Variants in PGR observed in about 807,000 individuals in gnomAD.
PGR encodes nuclear receptor subfamily 3 group C member 3.
A neutral mutation model predicts 76.1 loss-of-function variants in PGR; 25 were observed. The ratio of observed to expected loss-of-function variants is 0.33; its 90% confidence interval spans 0.24 to 0.46. PGR has a LOEUF of 0.46. Among genes scored for constraint, PGR ranks in the 20% least tolerant of loss-of-function variants. The probability of loss-of-function intolerance (pLI) is 1.00; values close to 1 mark genes in which losing one functional copy is unlikely to be tolerated. For missense variants in PGR, 1,172 were observed against 1,225.3 expected, an observed-to-expected ratio of 0.96 and a Z score of 0.65; for synonymous variants, 579 against 535.0, an observed-to-expected ratio of 1.08 and a Z score of -1.14.
intron 2 of PGR, 114 bp downstream of exon 2, chr11:101,125,893 T>C (rs1862825632): frequency 5.6e-6 from 5 of 899,296 alleles, no homozygotes; most frequent in Non-Finnish European, 8.7e-6. Context: ...TTAAATTATA[T>C]GGAAATATCA....
At chr11:101,068,586 C>T (rs1860805904) in intron 3 of PGR, among the ~76,000 whole-genome samples, 1 of 152,048 alleles carries the variant, frequency 6.6e-6, no homozygotes, top group South Asian at 2.1e-4. Flanking sequence ...AAGAACAAAG[C>T]TGGAGGTATC....
At chr11:101,086,100 A>C (rs1209815145) in intron 3 of PGR, among the ~76,000 whole-genome samples, 9 of 152,160 alleles carry the variant, frequency 5.9e-5, no homozygotes, top group African/African-American at 1.9e-4. Context: ...TCGTTTTCTG[A>C]AGCCAGTATC....
intron 2 of PGR, among the ~76,000 whole-genome samples, chr11:101,109,610 C>G (rs1022738595): frequency 6.6e-6 from 1 of 152,116 alleles, no homozygotes; most frequent in African/African-American, 2.4e-5. Context: ...AAAACAGAAG[C>G]TGGATTATGA....
intron 2 of PGR, among the ~76,000 whole-genome samples, chr11:101,107,561 G>A (rs1862204567): frequency 6.6e-6 from 1 of 152,100 alleles, no homozygotes; most frequent in Non-Finnish European, 1.5e-5. Flanking sequence ...ACATACTATT[G>A]AGAAAGGAGT....
At chr11:101,119,522 A>T (rs563683972) in intron 2 of PGR, among the ~76,000 whole-genome samples, 1 of 152,308 alleles carries the variant, frequency 6.6e-6, no homozygotes, top group African/African-American at 2.4e-5. Context: ...TCTTTGCACA[A>T]ATGCCAAAAA....
At chr11:101,052,574 A>G (rs1591373535) in intron 4 of PGR, among the ~76,000 whole-genome samples, 2 of 152,076 alleles carry the variant, frequency 1.3e-5, no homozygotes, top group South Asian at 4.1e-4. Context: ...TCTATTAAGG[A>G]GCAATGGGAG....
At chr11:101,078,998 T>A (rs11571194) in intron 3 of PGR, among the ~76,000 whole-genome samples, 1 of 152,088 alleles carries the variant, frequency 6.6e-6, no homozygotes, top group Admixed American at 6.6e-5. Flanking sequence ...GTCAACTCAT[T>A]TTTGACAAAG....
In PGR at chr11:101,031,800, T is replaced by A. The variant is rs1859362006; in HGVS notation, c.*7316A>T. 4.4e-6 allele frequency: 1 copy of A among 228,044 alleles called. No individual in the cohort carries two copies. The highest frequency in any genetic ancestry group is 2.2e-5 in the African/African-American group (1 of 45,096). The allele number at this position is 228,044 out of a possible 1,614,324, so 14.1% of individuals were successfully genotyped here. A position where few individuals can be genotyped will look rare whatever the true frequency, so the allele number is the denominator to read the frequency against. On this transcript the variant is annotated 3_prime_UTR_variant, in exon 8 of 8. Transcript: ENST00000325455. ...AAAGCCGAGCCCAGCCATGGATTCA[T>A]ACCATCAAATACCTATGAGTTAGGT...
In PGR at chr11:101,107,865, T is replaced by TAAAAAAAAAAAAAAAAA. The variant is rs56355097; in HGVS notation, c.1790-15990_1790-15989insTTTTTTTTTTTTTTTTT. Among the ~76,000 whole-genome samples the TAAAAAAAAAAAAAAAAA allele has an allele frequency of 2.2e-3, 263 of 119,060 alleles. 6 individuals carry two copies. The highest frequency in any genetic ancestry group is 7.1e-3 in the African/African-American group (215 of 30,130). 78.1% of individuals were successfully genotyped at this position (119,060 alleles called of 152,430 possible). On this transcript the variant is annotated intron_variant, in intron 2 of 7. Coordinates refer to ENST00000325455, the MANE Select transcript of PGR (RefSeq NM_000926.4). ...CCAGTCTTACTTGAAACTGGCTTTG[T>TAAAAAAAAAAAAAAAAA]AAAAAAAAAAAAAAAGAAAGAAAAA...
At chr11:101,118,644 C>T (rs930249743) in intron 2 of PGR, among the ~76,000 whole-genome samples, 65 of 152,246 alleles carry the variant, frequency 4.3e-4, no homozygotes, top group Middle Eastern at 3.4e-3. Flanking sequence ...TTAAAATGTA[C>T]TTGTTTTGCA....
At chr11:101,043,579 A>ACCCAGAT (rs1359540499) in intron 6 of PGR, among the ~76,000 whole-genome samples, 1 of 152,144 alleles carries the variant, frequency 6.6e-6, no homozygotes, top group Non-Finnish European at 1.5e-5. Flanking sequence ...AATTTACTTT[A>ACCCAGAT]CCCAGATCCA....
At chr11:101,056,131 G>A (rs1258343040) in intron 4 of PGR, among the ~76,000 whole-genome samples, 1 of 151,960 alleles carries the variant, frequency 6.6e-6, no homozygotes, top group African/African-American at 2.4e-5. Flanking sequence ...AATTCCCAGT[G>A]ATGATAATGA....
intron 2 of PGR, among the ~76,000 whole-genome samples, chr11:101,097,898 TCCCG>T (rs1591411802): frequency 6.6e-6 from 1 of 151,410 alleles, no homozygotes; most frequent in East Asian, 2.0e-4. Flanking sequence ...TGCCTCAGCC[TCCCG>T]AGTAGCTGGA....
Position 101,098,261 on chromosome 11 carries a change from G to A in PGR, c.1790-6385C>T, listed in dbSNP as rs114387066. ...TTAGAAACAAGAAAGGGACTTACCT[G>A]TAAAATAAGAGACCTATATTGTTTG... is the stretch of plus-strand genomic sequence containing the variant. On this transcript the variant is annotated intron_variant, in intron 2 of 7. Coordinates refer to ENST00000325455, the MANE Select transcript of PGR (RefSeq NM_000926.4). Among the ~76,000 whole-genome samples the A allele has an allele frequency of 7.2e-3, 1,098 of 152,220 alleles. 16 individuals are homozygous for A. The highest frequency in any genetic ancestry group is 0.025 in the African/African-American group (1,029 of 41,526).
intron 3 of PGR, among the ~76,000 whole-genome samples, chr11:101,070,946 T>A (rs1591388391): frequency 6.6e-6 from 1 of 152,318 alleles, no homozygotes; most frequent in East Asian, 1.9e-4. Flanking sequence ...GACCAGCGGA[T>A]CTCCCAGCGC....
chr11:101,081,525 A>C (rs1233770747), intron 3 of PGR, among the ~76,000 whole-genome samples: 1 of 152,208 alleles, frequency 6.6e-6, no homozygotes, highest in Non-Finnish European at 1.5e-5. Context: ...AGTGCAGATC[A>C]CATAAAAAGG....
At chr11:101,122,342 T>C (rs544837653) in intron 2 of PGR, among the ~76,000 whole-genome samples, 23 of 152,304 alleles carry the variant, frequency 1.5e-4, no homozygotes, top group Admixed American at 3.9e-4. Flanking sequence ...AAGTGTGGCG[T>C]TATCAGTTAT....
intron 2 of PGR, among the ~76,000 whole-genome samples, chr11:101,109,353 T>C (rs1267029395): frequency 6.6e-6 from 1 of 152,046 alleles, no homozygotes; most frequent in Non-Finnish European, 1.5e-5. Flanking sequence ...AAGTTGTAAA[T>C]GCAAAGGAAA....
chr11:101,063,317 AC>A (rs1199643569), intron 3 of PGR: 1 of 152,562 alleles, frequency 6.6e-6, no homozygotes, highest in African/African-American at 2.4e-5. Context: ...ATCCAGCTCT[AC>A]TTTTATGAGA....
Sources: gnomAD v4.1 joint callset for allele counts (sites outside exome capture counted in the v4.1 genomes callset) on GRCh38, gnomAD v4.1.1 for gene constraint, MANE v1.5 for transcripts, NCBI Gene and HGNC (gene_info 2026-07-23, HGNC 2026-07-21) for gene names.